Variants in FCHSD2 observed in about 807,000 individuals in gnomAD.
FCHSD2 encodes F-BAR and double SH3 domains protein 2.
Under a neutral mutation model 108.1 loss-of-function variants are expected in FCHSD2, and 38 were observed. The ratio of observed to expected loss-of-function variants is 0.35; its 90% CI spans 0.27 to 0.46. FCHSD2 has a LOEUF of 0.46. Among genes scored for constraint, FCHSD2 ranks in the 20% least tolerant of loss-of-function variants. FCHSD2 has a pLI of 1.00. For missense variants in FCHSD2, 751 were observed against 897.8 expected, an observed-to-expected ratio of 0.84 and a Z score of 2.09; for synonymous variants, 279 against 314.7, an observed-to-expected ratio of 0.89 and a Z score of 1.20.
chr11:73,084,770 AT>A (rs769447648), intron 2 of FCHSD2, among the ~76,000 whole-genome samples: 4 of 152,174 alleles, frequency 2.6e-5, no homozygotes, highest in African/African-American at 4.8e-5. Flanking sequence ...ATTTTCCTCC[AT>A]CTTAATGGTA....
intron 3 of FCHSD2, among the ~76,000 whole-genome samples, chr11:73,040,761 GA>G (rs1413330619): frequency 6.6e-6 from 1 of 151,952 alleles, no homozygotes; most frequent in African/African-American, 2.4e-5. Context: ...TAATTATTTT[GA>G]AAGACATATT....
intron 2 of FCHSD2, among the ~76,000 whole-genome samples, chr11:73,133,812 A>T (rs886465141): frequency 1.3e-5 from 2 of 151,174 alleles, no homozygotes; most frequent in African/African-American, 4.8e-5. Flanking sequence ...AAAAAAAAAA[A>T]AAAGTAACCA....
intron 3 of FCHSD2, among the ~76,000 whole-genome samples, chr11:73,067,444 G>A (rs536130827): frequency 1.7e-4 from 26 of 151,550 alleles, no homozygotes; most frequent in African/African-American, 1.9e-4. Context: ...AAAACTGCGC[G>A]TTCTGCACAT....
At chr11:73,140,325 G>A (rs1343026847) in intron 1 of FCHSD2, among the ~76,000 whole-genome samples, 197 bp from the exon 2 acceptor site, 1 of 152,066 alleles carries the variant, frequency 6.6e-6, no homozygotes, top group Non-Finnish European at 1.5e-5. Context: ...CCTGAACAGA[G>A]GTTAAATGAA....
intron 8 of FCHSD2, chr11:72,983,804 C>T: frequency 1.9e-6 from 1 of 515,816 alleles, no homozygotes; most frequent in South Asian, 1.5e-5. Flanking sequence ...TTACATCACT[C>T]TTGTATCTTC....
At chr11:73,064,642 T>C (rs1017280965) in intron 3 of FCHSD2, among the ~76,000 whole-genome samples, 4 of 152,122 alleles carry the variant, frequency 2.6e-5, no homozygotes, top group Non-Finnish European at 5.9e-5. Context: ...GATATCCTTA[T>C]ATCAGTGGTG....
chr11:72,878,311 T>TAA (rs1328459906), intron 12 of FCHSD2, among the ~76,000 whole-genome samples: 1 of 152,164 alleles, frequency 6.6e-6, no homozygotes, highest in African/African-American at 2.4e-5. Flanking sequence ...AAAATCCCTC[T>TAA]AATTGTCCAT....
chr11:72,956,821 G>A (rs1018726729), intron 8 of FCHSD2, among the ~76,000 whole-genome samples: 1 of 12,694 alleles, frequency 7.9e-5, no homozygotes, highest in Non-Finnish European at 1.5e-4. Context: ...TGATTTCATA[G>A]TGGAAAAAAA....
chr11:72,845,864 C>CT (rs1012024107), intron 14 of FCHSD2, among the ~76,000 whole-genome samples: 18 of 152,036 alleles, frequency 1.2e-4, no homozygotes, highest in African/African-American at 3.9e-4. Context: ...CCTCAGTTTT[C>CT]TTTTTTCGTA....
At chr11:72,856,846 G>A (rs1861440877) in intron 13 of FCHSD2, among the ~76,000 whole-genome samples, 1 of 152,094 alleles carries the variant, frequency 6.6e-6, no homozygotes, top group Admixed American at 6.6e-5. Context: ...GCTAGAAATT[G>A]CCATAAAATT....
intron 10 of FCHSD2, among the ~76,000 whole-genome samples, chr11:72,897,671 C>T (rs1366293467): frequency 1.3e-5 from 2 of 152,044 alleles, no homozygotes; most frequent in African/African-American, 2.4e-5. Flanking sequence ...GTTTAGACAC[C>T]CAAACCCATG....
At chr11:73,067,264 A>G (rs1450604100) in intron 3 of FCHSD2, among the ~76,000 whole-genome samples, 1 of 152,134 alleles carries the variant, frequency 6.6e-6, no homozygotes, top group Non-Finnish European at 1.5e-5. Context: ...TCTCACTCAT[A>G]AGTGGGAGTT....
chr11:72,847,003 A>G (rs1416272940), intron 14 of FCHSD2, among the ~76,000 whole-genome samples: 1 of 152,050 alleles, frequency 6.6e-6, no homozygotes, highest in Non-Finnish European at 1.5e-5. Flanking sequence ...TTTTTTTAAA[A>G]TTTATTTTTT....
chr11:73,031,899 T>C lies in FCHSD2; in HGVS notation c.166-16014A>G, dbSNP rs536958271. On this transcript the variant is annotated intron_variant, in intron 3 of 19. Coordinates refer to ENST00000409418, the MANE Select transcript of FCHSD2 (RefSeq NM_014824.3). ...GGCACTGTATTAGATGCTGGGGGAA[T>C]AGCAATAAACATTATGGGTATTATC... Among the ~76,000 whole-genome samples, 4 of 152,328 alleles carry C rather than the reference T, an allele frequency of 2.6e-5. No individual in the cohort carries two copies. In the East Asian group the frequency reaches 7.7e-4, roughly 29 times the overall value.
At chr11:73,035,178 G>A (rs1333846996) in intron 3 of FCHSD2, among the ~76,000 whole-genome samples, 2 of 133,404 alleles carry the variant, frequency 1.5e-5, no homozygotes, top group Non-Finnish European at 3.3e-5. Flanking sequence ...ATGTATGTAT[G>A]TATGTATGTA....
At chr11:72,991,356 AT>A (rs1428067676) in intron 5 of FCHSD2, among the ~76,000 whole-genome samples, 1 of 152,210 alleles carries the variant, frequency 6.6e-6, no homozygotes, top group Non-Finnish European at 1.5e-5. Flanking sequence ...TCCCTAACTC[AT>A]TTTATGAGGC....
Position 72,941,743 on chromosome 11 carries a change from G to C in FCHSD2, c.706-19793C>G, listed in dbSNP as rs569609253. On this transcript the variant is annotated intron_variant, in intron 8 of 19. Transcript: ENST00000409418. ...TAGGCACTTTCATACACTGCTTTCA[G>C]AAGTATATACTGATATAATCTTTTC... Among the ~76,000 whole-genome samples the C allele has an allele frequency of 1.7e-4, 26 of 152,190 alleles. No homozygotes were observed. In the South Asian group the frequency reaches 4.8e-3, roughly 28 times the overall value.
At chr11:72,854,257 C>T (rs1046140582) in intron 13 of FCHSD2, among the ~76,000 whole-genome samples, 3 of 152,190 alleles carry the variant, frequency 2.0e-5, no homozygotes, top group African/African-American at 7.2e-5. Flanking sequence ...AAAGCACAGA[C>T]TTGAACAGAT....
intron 3 of FCHSD2, among the ~76,000 whole-genome samples, chr11:73,052,995 C>T (rs571928916): frequency 1.3e-4 from 19 of 151,834 alleles, no homozygotes; most frequent in Non-Finnish European, 2.4e-4. Flanking sequence ...TACAGATGCC[C>T]GCCACCACAC....
Sources: allele counts gnomAD v4.1 joint callset (sites outside exome capture counted in the v4.1 genomes callset), GRCh38; gene constraint gnomAD v4.1.1; transcripts MANE v1.5; gene names NCBI Gene and HGNC (gene_info 2026-07-23, HGNC 2026-07-21).